Variants in PIP4P1 observed in about 807,000 individuals in gnomAD.
PIP4P1 encodes phosphatidylinositol-4,5-bisphosphate 4-phosphatase 1.
A neutral mutation model predicts 32.3 loss-of-function variants in PIP4P1; 14 were observed. The observed-to-expected ratio is 0.43, with a 90% confidence interval of 0.29 to 0.68. The LOEUF (loss-of-function observed/expected upper bound fraction) is 0.68. Among genes scored for constraint, PIP4P1 ranks in the 30% least tolerant of loss-of-function variants. The pLI, the probability that PIP4P1 is intolerant of heterozygous loss-of-function variation, is 0.15. For synonymous variants in PIP4P1, 132 were observed against 137.9 expected, an observed-to-expected ratio of 0.96 and a Z score of 0.30; for missense variants, 289 against 364.5, an observed-to-expected ratio of 0.79 and a Z score of 1.69.
In PIP4P1 at chr14:20,458,408, C is replaced by G; in HGVS notation, c.*151G>C. On this transcript the variant is annotated 3_prime_UTR_variant, in exon 7 of 7. Coordinates refer to ENST00000250489, the MANE Select transcript of PIP4P1 (RefSeq NM_144568.4). The stretch of plus-strand genomic sequence containing the variant: ...TGCCCCTCCAAACCTAAGTGAGGGC[C>G]TGGTTCCTTCCTACCTCTCCCCAGG... The G allele has an allele frequency of 1.8e-6, 2 of 1,122,032 alleles. No homozygotes were observed. The highest frequency in any genetic ancestry group is 5.1e-5 in the East Asian group (2 of 39,204). The allele number at this position is 1,122,032 out of a possible 1,614,324, so 69.5% of individuals were successfully genotyped here. A position where few individuals can be genotyped will look rare whatever the true frequency, so the allele number is the denominator to read the frequency against.
intron 6 of PIP4P1, 37 bp from the exon 7 acceptor site, chr14:20,458,739 G>GACC: frequency 6.3e-7 from 1 of 1,593,148 alleles, no homozygotes. Context: ...AAGAAAGATG[G>GACC]GGTTAATGTT....
chr14:20,459,569 T>C (rs1319692245), intron 4 of PIP4P1, 59 bp downstream of exon 4: 1 of 1,576,086 alleles, frequency 6.3e-7, no homozygotes, highest in Non-Finnish European at 8.7e-7. Context: ...CTCTAAGAAA[T>C]ATACTCGAAA....
At position 20,458,402 on chromosome 14, in the gene PIP4P1, G is replaced by T; in HGVS notation, c.*157C>A. 2 of 1,049,458 alleles carry T rather than the reference G, an allele frequency of 1.9e-6. No individual in the cohort carries two copies. The highest frequency in any genetic ancestry group is 2.9e-6 in the Non-Finnish European group (2 of 701,044). The allele number at this position is 1,049,458 out of a possible 1,614,324, so 65.0% of individuals were successfully genotyped here. A position where few individuals can be genotyped will look rare whatever the true frequency, so the allele number is the denominator to read the frequency against. Reference sequence around the variant, plus strand: ...CTTATCTGCCCCTCCAAACCTAAGTGAGGGCCTGGTTCCTTCCTACCTCTC... The same window carrying T: ...CTTATCTGCCCCTCCAAACCTAAGTTAGGGCCTGGTTCCTTCCTACCTCTC... On this transcript the variant is annotated 3_prime_UTR_variant, in exon 7 of 7. Transcript: ENST00000250489.
rs1018654753 is a variant in PIP4P1 at position 20,458,476 on chromosome 14, G to A, written c.*83C>T. 1 of 1,593,924 alleles carries A rather than the reference G, an allele frequency of 6.3e-7. No homozygotes were observed. Among genetic ancestry groups the A allele is most frequent in the Non-Finnish European group, 8.6e-7 (1 of 1,168,568 alleles). On this transcript the variant is annotated 3_prime_UTR_variant, in exon 7 of 7. Coordinates refer to ENST00000250489, the MANE Select transcript of PIP4P1 (RefSeq NM_144568.4). ...CTTGGCTTCCTTCTAGAAGCCCCGG[G>A]AGCCTTTAACTACCCCAGCTCCCTT...
chr14:20,460,853 G>A lies in PIP4P1; in HGVS notation c.143-8C>T. ...CGGGAAACGGGGGAAATGCTGGAGA[G>A]GAAGCAAATAGAAGGGCTGGGATCA... is the stretch of plus-strand genomic sequence containing the variant. On this transcript the variant is annotated splice_polypyrimidine_tract_variant and splice_region_variant and intron_variant, in intron 1 of 6. Coordinates refer to ENST00000250489, the MANE Select transcript of PIP4P1 (RefSeq NM_144568.4). 1.3e-6 allele frequency: 2 copies of A among 1,541,154 alleles called. No individual in the cohort carries two copies. Among genetic ancestry groups the A allele is most frequent in the South Asian group, 2.5e-5 (2 of 78,812 alleles).
chr14:20,460,351 A>C, intron 2 of PIP4P1, 53 bp from the exon 3 acceptor site: 2 of 1,307,312 alleles, frequency 1.5e-6, no homozygotes, highest in South Asian at 2.5e-5. Flanking sequence ...AATCCCCTCC[A>C]CTTCCCTCCA....
At chr14:20,459,874 T>C in intron 3 of PIP4P1, 141 bp from the exon 4 acceptor site, 1 of 666,756 alleles carries the variant, frequency 1.5e-6, no homozygotes, top group Non-Finnish European at 2.6e-6. Context: ...AGATACTCTG[T>C]CCCCCAACTG....
Position 20,457,954 on chromosome 14 carries a change from TG to T in PIP4P1, c.*604del, listed in dbSNP as rs3136823. On this transcript the variant is annotated 3_prime_UTR_variant, in exon 7 of 7. Transcript: ENST00000250489. Reference sequence around the variant, plus strand: ...ACCCAGCCCAGTTAAATACTGCAACTGGGGGGGTAAAAAAGGTCGGGAGGAG... The same window carrying T: ...ACCCAGCCCAGTTAAATACTGCAACTGGGGGGTAAAAAAGGTCGGGAGGAG... The T allele has an allele frequency of 2.6e-5, 8 of 310,054 alleles. No homozygotes were observed. The highest frequency in any genetic ancestry group is 8.8e-5 in the South Asian group (3 of 33,990). The allele number at this position is 310,054 out of a possible 1,614,324, so 19.2% of individuals were successfully genotyped here.
In PIP4P1 at chr14:20,461,261, T is replaced by C. The variant is rs1345560640; in HGVS notation, c.65A>G (p.Asn22Ser). ...SEPIDGGAGG[N>S]GLVGPGGSGA... Reference sequence around the variant, plus strand: ...ACTCCCGCCGGGCCCCACTAAACCGTTGCCGCCCGCGCCACCGTCGATGGG... The same window carrying C: ...ACTCCCGCCGGGCCCCACTAAACCGCTGCCGCCCGCGCCACCGTCGATGGG... Residue 22 changes from asparagine (N) to serine (S), a missense_variant, in exon 1 of 7, where the codon AAC (asparagine) becomes AGC (serine). Physicochemically the swap from Asn to Ser is conservative, Grantham distance 46. This residue lies in a region of PIP4P1 where 108 missense variants were observed against 101.2 expected (regional missense o/e 1.07). Coordinates refer to ENST00000250489, the MANE Select transcript of PIP4P1 (RefSeq NM_144568.4). 2 of 1,280,082 alleles carry C rather than the reference T, an allele frequency of 1.6e-6. No individual in the cohort carries two copies. The highest frequency in any genetic ancestry group is 3.6e-5 in the South Asian group (1 of 27,908). The allele number at this position is 1,280,082 out of a possible 1,614,324, so 79.3% of individuals were successfully genotyped here.
rs1397466714 is a variant in PIP4P1 at position 20,460,655 on chromosome 14, G to C, written c.333C>G (p.Thr111=). The C allele has an allele frequency of 6.2e-7, 1 of 1,613,216 alleles. No individual in the cohort carries two copies. Among genetic ancestry groups the C allele is most frequent in the Non-Finnish European group, 8.5e-7 (1 of 1,179,872 alleles). ...CATTTCATAGATATGTGTAACTCAC[G>C]GTGGCTTCATTGCAGACACCACATT... ...VVKCGVCNEA[T]PIKNAPPGKK... The change falls in exon 2 of 7, where the codon ACC becomes ACG. Residue 111 remains threonine, a splice_region_variant and synonymous_variant. Coordinates refer to ENST00000250489, the MANE Select transcript of PIP4P1 (RefSeq NM_144568.4).
rs1566516763 is a variant in PIP4P1, at chr14:20,458,347, C to G, written c.*212G>C. On this transcript the variant is annotated 3_prime_UTR_variant, in exon 7 of 7. Transcript: ENST00000250489. The stretch of plus-strand genomic sequence containing the variant: ...CTACTTCACCCTAGACACAGCAACC[C>G]TTGGAGGAAAGCAGATGGTCAGCAG... 2.7e-6 allele frequency: 2 copies of G among 753,574 alleles called. No individual in the cohort carries two copies. Among genetic ancestry groups the G allele is most frequent in the Non-Finnish European group, 2.3e-6 (1 of 434,408 alleles). 46.7% of individuals were successfully genotyped at this position (753,574 alleles called of 1,614,324 possible).
rs534687042 is a variant in PIP4P1 at position 20,458,309 on chromosome 14, G to A, written c.*250C>T. On this transcript the variant is annotated 3_prime_UTR_variant, in exon 7 of 7. Transcript: ENST00000250489. ...ACCGTCTTCAGGGCCCAGTTTTAAG[G>A]GCAACGTTTTGCCTACTTCACCCTA... is the stretch of plus-strand genomic sequence containing the variant. 7.0e-4 allele frequency: 471 copies of A among 668,710 alleles called. 7 individuals are homozygous for A. The highest frequency in any genetic ancestry group is 5.1e-3 in the South Asian group (337 of 66,472). The allele number at this position is 668,710 out of a possible 1,614,324, so 41.4% of individuals were successfully genotyped here.
chr14:20,458,002 T>C lies in PIP4P1; in HGVS notation c.*557A>G, dbSNP rs1881500931. On this transcript the variant is annotated 3_prime_UTR_variant, in exon 7 of 7. Transcript: ENST00000250489. ...GGAGGAATTAAGGGAAATACAGGAATAGGGGAACATATCCCACATTAAATA... is the reference window on the plus strand; with the variant it reads ...GGAGGAATTAAGGGAAATACAGGAACAGGGGAACATATCCCACATTAAATA... The C allele has an allele frequency of 3.2e-6, 1 of 313,600 alleles. No homozygotes were observed. Among genetic ancestry groups the C allele is most frequent in the South Asian group, 2.9e-5 (1 of 34,770 alleles). 19.4% of individuals were successfully genotyped at this position (313,600 alleles called of 1,614,324 possible). A position where few individuals can be genotyped will look rare whatever the true frequency, so the allele number is the denominator to read the frequency against.
chr14:20,458,654 A>T lies in PIP4P1; in HGVS notation c.739T>A (p.Trp247Arg). ...ARRYGGIYAA[W>R]AFVILLAVLC... is the part of the protein sequence containing the mutation. Reference sequence around the variant, plus strand: ...ACAGCCAACAGGATGACAAATGCCCAGGCTGCATAGATGCCTCCATATCGC... The same window carrying T: ...ACAGCCAACAGGATGACAAATGCCCTGGCTGCATAGATGCCTCCATATCGC... Residue 247 changes from tryptophan (W) to arginine (R), a missense_variant, in exon 7 of 7, where the codon TGG becomes AGG. By Grantham distance (101) the Trp-to-Arg change is moderately radical. Around this residue, in one of 2 missense-constraint regions of PIP4P1, gnomAD observed 181 missense variants for 263.3 expected, o/e 0.69. Coordinates refer to ENST00000250489, the MANE Select transcript of PIP4P1 (RefSeq NM_144568.4). The T allele has an allele frequency of 1.2e-6, 2 of 1,614,242 alleles. No individual in the cohort carries two copies. The highest frequency in any genetic ancestry group is 1.7e-6 in the Non-Finnish European group (2 of 1,180,036).
rs1306414042 is a variant in PIP4P1 at position 20,460,751 on chromosome 14, G to A, written c.237C>T (p.Ala79=). 3.1e-6 allele frequency: 5 copies of A among 1,613,270 alleles called. No individual in the cohort carries two copies. Among genetic ancestry groups the A allele is most frequent in the Non-Finnish European group, 8.5e-7 (1 of 1,179,606 alleles). The change falls in exon 2 of 7, where the codon GCC becomes GCT. Residue 79 remains alanine, a synonymous_variant. Transcript: ENST00000250489. ...GGCAGACTCGGCAGGTGATCATAGG[G>A]GCACTCCCACTGTCCGGGCTAGTTA... The part of the protein sequence containing the change: ...SPLTSPDSGS[A]PMITCRVCQS...
chr14:20,459,278 T>C lies in PIP4P1; in HGVS notation c.618A>G (p.Arg206=), dbSNP rs1350210401. The C allele has an allele frequency of 6.2e-7, 1 of 1,614,112 alleles. No individual in the cohort carries two copies. The change falls in exon 6 of 7, where the codon AGA becomes AGG. Residue 206 remains arginine (R), a synonymous_variant. Transcript: ENST00000250489. ...HCRKVSSIGR[R]YPRKRCICCF... is the part of the protein sequence containing the mutation. ...AGCAGATACATCTCTTACGTGGGTATCTGCGCCCAATAGATGACCTGTGGG... is the reference window on the plus strand; with the variant it reads ...AGCAGATACATCTCTTACGTGGGTACCTGCGCCCAATAGATGACCTGTGGG...
rs754284951 is a variant in PIP4P1, at chr14:20,461,295, G to A, written c.31C>T (p.Leu11=). The change falls in exon 1 of 7, where the codon CTG becomes TTG. Residue 11 remains leucine, a synonymous_variant. Transcript: ENST00000250489. ...GCGCCACCGTCGATGGGCTCAGACA[G>A]CAGCGGGGAACGCTCTCCATCTGCC... MAADGERSPL[L]SEPIDGGAGG... is the part of the protein sequence containing the mutation. The A allele has an allele frequency of 1.9e-5, 25 of 1,291,588 alleles. No homozygotes were observed. In the South Asian group the frequency reaches 8.2e-4, roughly 42 times the overall value. 80.0% of individuals were successfully genotyped at this position (1,291,588 alleles called of 1,614,324 possible).
rs1486612223 is a variant in PIP4P1 at position 20,459,042 on chromosome 14, G to C, written c.690+164C>G. ...TTTTCACTCTTGTAGTAGTAATAAAGTCTGTTTGATCAGCCACTTTGCACT... is the reference window on the plus strand; with the variant it reads ...TTTTCACTCTTGTAGTAGTAATAAACTCTGTTTGATCAGCCACTTTGCACT... On this transcript the variant is annotated intron_variant, in intron 6 of 6. Coordinates refer to ENST00000250489, the MANE Select transcript of PIP4P1 (RefSeq NM_144568.4). 5.7e-6 allele frequency: 4 copies of C among 702,360 alleles called. No individual in the cohort carries two copies. The Admixed American group carries it at 1.1e-4, about 20-fold the overall frequency. The allele number at this position is 702,360 out of a possible 1,614,324, so 43.5% of individuals were successfully genotyped here.
At chr14:20,459,032 T>C in intron 6 of PIP4P1, 174 bp downstream of exon 6, 2 of 669,116 alleles carry the variant, frequency 3.0e-6, no homozygotes, top group East Asian at 2.7e-5. Context: ...ACTCTTGTAG[T>C]AGTAATAAAG....
Sources: allele counts gnomAD v4.1 joint callset, GRCh38; gene constraint gnomAD v4.1.1; regional missense constraint gnomAD v4.1.1; transcripts MANE v1.5; gene names NCBI Gene and HGNC (gene_info 2026-07-23, HGNC 2026-07-21).